Variants in SHROOM2 observed in about 807,000 individuals in gnomAD.
SHROOM2 encodes protein Shroom2.
SHROOM2 carries 33 observed loss-of-function variants against 75.9 expected under a neutral mutation model. That is an observed-to-expected ratio of 0.43 (90% CI 0.33 to 0.58). The LOEUF (loss-of-function observed/expected upper bound fraction) is 0.58, where lower values mean the gene tolerates loss of function less well. Ranked by LOEUF, SHROOM2 falls within the 20% of genes least tolerant of loss-of-function variation. The probability of loss-of-function intolerance (pLI) is 0.04; values close to 1 mark genes in which losing one functional copy is unlikely to be tolerated. For missense variants in SHROOM2, 1,434 were observed against 1,461.2 expected (o/e 0.98, Z 0.30); for synonymous variants, 655 against 663.6 (o/e 0.99, Z 0.20).
At chrX:9,809,663 T>C (rs1019828749) in intron 1 of SHROOM2, among the ~76,000 whole-genome samples, 2 of 112,442 alleles carry the variant, frequency 1.8e-5, no homozygotes, top group East Asian at 5.5e-4. Context: ...TAAATGCTGA[T>C]ATGAAGTCAA....
chrX:9,845,693 G>A (rs1198271996), intron 1 of SHROOM2, among the ~76,000 whole-genome samples: 4 of 110,283 alleles, frequency 3.6e-5, no homozygotes, highest in Admixed American at 9.7e-5. Flanking sequence ...CTTTCTGTCC[G>A]TCTCTGCTCC....
chrX:9,938,119 C>A (rs759253217), intron 7 of SHROOM2, among the ~76,000 whole-genome samples: 6 of 110,764 alleles, frequency 5.4e-5, no homozygotes, highest in African/African-American at 2.0e-4. Context: ...GGGCCCCCCC[C>A]ACAGAGAGTC....
intron 1 of SHROOM2, among the ~76,000 whole-genome samples, chrX:9,871,760 T>A (rs1461404912): frequency 8.9e-6 from 1 of 111,885 alleles, no homozygotes. Flanking sequence ...CATTGTAAGT[T>A]ACTTAGCACC....
At chrX:9,807,644 C>A (rs756824982) in intron 1 of SHROOM2, among the ~76,000 whole-genome samples, 1 of 112,301 alleles carries the variant, frequency 8.9e-6, no homozygotes, top group Non-Finnish European at 1.9e-5. Flanking sequence ...GCTGTCCATG[C>A]CCCAACAAAA....
chrX:9,792,221 G>T (rs999591139), intron 1 of SHROOM2, among the ~76,000 whole-genome samples: 4 of 110,846 alleles, frequency 3.6e-5, no homozygotes, highest in African/African-American at 6.6e-5. Context: ...TTTACCTTGT[G>T]TGATGCAGTA....
chrX:9,871,785 C>T (rs149383999), intron 1 of SHROOM2, among the ~76,000 whole-genome samples: 23 of 111,179 alleles, frequency 2.1e-4, no homozygotes, highest in Non-Finnish European at 4.1e-4. Context: ...TTCTCCTGAC[C>T]CCCCACCCCA....
At chrX:9,787,533 T>G (rs1276415673) in intron 1 of SHROOM2, among the ~76,000 whole-genome samples, 1 of 112,482 alleles carries the variant, frequency 8.9e-6, no homozygotes, top group Admixed American at 9.4e-5. Context: ...GGACCTTTCG[T>G]GTGGACGAAG....
At chrX:9,916,512 T>C (rs1270569496) in intron 5 of SHROOM2, among the ~76,000 whole-genome samples, 1 of 111,857 alleles carries the variant, frequency 8.9e-6, no homozygotes, top group African/African-American at 3.3e-5. Flanking sequence ...CGCTAGAAAA[T>C]ATCACCACGT....
chrX:9,808,841 G>A (rs764206657), intron 1 of SHROOM2, among the ~76,000 whole-genome samples: 4 of 110,368 alleles, frequency 3.6e-5, no homozygotes, highest in Non-Finnish European at 7.6e-5. Context: ...CAGCCTGGGG[G>A]ACAAGAGTGA....
intron 1 of SHROOM2, among the ~76,000 whole-genome samples, chrX:9,807,599 C>T (rs1032472429): frequency 8.0e-5 from 9 of 112,510 alleles, no homozygotes; most frequent in Non-Finnish European, 1.5e-4. Flanking sequence ...GAGTTCAGGA[C>T]TGCATGCTGC....
chrX:9,792,608 A>T (rs1025787657), intron 1 of SHROOM2, among the ~76,000 whole-genome samples: 1 of 110,235 alleles, frequency 9.1e-6, no homozygotes, highest in African/African-American at 3.3e-5. Flanking sequence ...GCAAAAGGTG[A>T]CTTTCAGATC....
At chrX:9,882,197 G>A (rs868350043) in intron 2 of SHROOM2, among the ~76,000 whole-genome samples, 1 of 17,695 alleles carries the variant, frequency 5.7e-5, no homozygotes, top group African/African-American at 1.9e-4. Flanking sequence ...TTTTTTTTTT[G>A]GTATGGCTTT....
chrX:9,808,058 C>T (rs779674576), intron 1 of SHROOM2, among the ~76,000 whole-genome samples: 2 of 111,285 alleles, frequency 1.8e-5, no homozygotes, highest in Non-Finnish European at 3.8e-5. Context: ...TGGATTGTCT[C>T]CACAGCCTGA....
intron 1 of SHROOM2, among the ~76,000 whole-genome samples, chrX:9,832,880 A>G (rs1463754982): frequency 9.0e-6 from 1 of 111,578 alleles, no homozygotes; most frequent in Admixed American, 9.5e-5. Context: ...AGGAAGTACT[A>G]GAAATCTACT....
At chrX:9,879,154 C>T (rs2084217989) in intron 2 of SHROOM2, among the ~76,000 whole-genome samples, 1 of 111,814 alleles carries the variant, frequency 8.9e-6, no homozygotes. Context: ...CTCACTGCAG[C>T]CTCAAACTCC....
At chrX:9,807,091 C>T (rs895040499) in intron 1 of SHROOM2, among the ~76,000 whole-genome samples, 3 of 111,562 alleles carry the variant, frequency 2.7e-5, no homozygotes, top group African/African-American at 9.8e-5. Flanking sequence ...TCGCAGCTGG[C>T]AAGTGAAGGG....
At chrX:9,929,279 G>C (rs1256029802) in intron 5 of SHROOM2, among the ~76,000 whole-genome samples, 2 of 111,746 alleles carry the variant, frequency 1.8e-5, no homozygotes, top group Non-Finnish European at 3.8e-5. Context: ...TTTGCAAGGT[G>C]GGGGTGGGGG....
At chrX:9,878,132 C>T (rs2084211093) in intron 2 of SHROOM2, among the ~76,000 whole-genome samples, 1 of 111,893 alleles carries the variant, frequency 8.9e-6, no homozygotes. Flanking sequence ...TTTGCAATTA[C>T]CCTTTTGGCT....
At chrX:9,844,816 A>AAAAT (rs1425460001) in intron 1 of SHROOM2, among the ~76,000 whole-genome samples, 15 of 110,062 alleles carry the variant, frequency 1.4e-4, no homozygotes, top group African/African-American at 5.0e-4. Context: ...ACTCCATCTT[A>AAAAT]AAATAAATAA....
Sources: gnomAD v4.1 joint callset for allele counts (sites outside exome capture counted in the v4.1 genomes callset) on GRCh38, gnomAD v4.1.1 for gene constraint, MANE v1.5 for transcripts, NCBI Gene and HGNC (gene_info 2026-07-23, HGNC 2026-07-21) for gene names.